DBN1: variants seen among roughly 807,000 people sequenced by gnomAD.
DBN1 encodes the protein drebrin.
DBN1 carries 21 observed loss-of-function variants against 83.5 expected under a neutral mutation model. The ratio of observed to expected loss-of-function variants is 0.25; its 90% confidence interval spans 0.18 to 0.36. The LOEUF is 0.36. Ranked by LOEUF, DBN1 falls within the 10% of genes least tolerant of loss-of-function variation. The probability of loss-of-function intolerance (pLI) is 1.00; values close to 1 mark genes in which losing one functional copy is unlikely to be tolerated. For missense variants in DBN1, 874 were observed against 935.7 expected (o/e 0.93, Z 0.86); for synonymous variants, 381 against 384.9 (o/e 0.99, Z 0.12).
rs72166670 is a variant in DBN1 at position 177,456,673 on chromosome 5, CAAAA to C, written c.*756_*759del. The C allele has an allele frequency of 2.0e-4, 13 of 65,160 alleles. No homozygotes were observed. Among genetic ancestry groups the C allele is most frequent in the South Asian group, 6.6e-4 (1 of 1,520 alleles). The allele number at this position is 65,160 out of a possible 1,614,324, so 4.0% of individuals were successfully genotyped here. On this transcript the variant is annotated 3_prime_UTR_variant, in exon 15 of 15. Transcript: ENST00000393565. ...ACCCGTTACAGAAGTTTGTGCTTTC[CAAAA>C]AAAAAAAAAAAAAAAAAAAAAAAAC... is the stretch of plus-strand genomic sequence containing the variant.
At chr5:177,472,087 C>A (rs1757884780) in intron 1 of DBN1, 1 of 1,591,856 alleles carries the variant, frequency 6.3e-7, no homozygotes, top group Admixed American at 1.8e-5. Context: ...CGCCTGCCTG[C>A]TGAGCCTGTG....
rs758241367 is a variant in DBN1, at chr5:177,458,136, A to G, written c.1836T>C (p.Leu612=). 4 of 1,613,352 alleles carry G rather than the reference A, an allele frequency of 2.5e-6. No individual in the cohort carries two copies. Among genetic ancestry groups the G allele is most frequent in the Non-Finnish European group, 3.4e-6 (4 of 1,179,934 alleles). Residue 612 remains leucine (L), a synonymous_variant, in exon 13 of 15, where the codon CTT becomes CTC. Transcript: ENST00000393565. Reference sequence around the variant, plus strand: ...GCTCCTGCTCTTGCTCCAGCTCCTCAAGGGCTGAGGGCAGAGTTGGGGTCT... The same window carrying G: ...GCTCCTGCTCTTGCTCCAGCTCCTCGAGGGCTGAGGGCAGAGTTGGGGTCT... ...APQTPTLPSA[L]EELEQEQEPE...
chr5:177,472,993 C>T (rs1581741801), intron 1 of DBN1: 1 of 277,446 alleles, frequency 3.6e-6, no homozygotes, highest in African/African-American at 2.3e-5. Flanking sequence ...CTGAGCCGGG[C>T]AGGCTGCGCT....
intron 1 of DBN1, among the ~76,000 whole-genome samples, chr5:177,469,965 G>A (rs544121037): frequency 6.6e-6 from 1 of 152,330 alleles, no homozygotes; most frequent in African/African-American, 2.4e-5. Context: ...AAGAGAAAGA[G>A]GAGGGGAGAA....
chr5:177,473,407 G>A (rs1757992867), intron 1 of DBN1, 29 bp downstream of exon 1: 2 of 1,306,324 alleles, frequency 1.5e-6, no homozygotes, highest in Non-Finnish European at 2.0e-6. Flanking sequence ...CGGGGACAAA[G>A]GGGCCGGGGG....
At position 177,467,649 on chromosome 5, in the gene DBN1, G is replaced by A; in HGVS notation, c.331-22C>T. The A allele has an allele frequency of 1.3e-6, 2 of 1,566,196 alleles. No individual in the cohort carries two copies. The highest frequency in any genetic ancestry group is 1.7e-6 in the Non-Finnish European group (2 of 1,155,446). On this transcript the variant is annotated intron_variant, in intron 4 of 14. Transcript: ENST00000393565. The surrounding 1 kb of genome is among the most constrained non-coding windows in gnomAD (Gnocchi z 9.1). ...CACCCTTCCGCAAGAAGACGGCAGTGCTCAGGCGGCACCATCCTCCCGCCA... is the reference window on the plus strand; with the variant it reads ...CACCCTTCCGCAAGAAGACGGCAGTACTCAGGCGGCACCATCCTCCCGCCA...
At position 177,467,178 on chromosome 5, in the gene DBN1, C is replaced by T. The variant is rs1267808768; in HGVS notation, c.555+77G>A. 1.2e-6 allele frequency: 2 copies of T among 1,607,382 alleles called. No homozygotes were observed. Among genetic ancestry groups the T allele is most frequent in the African/African-American group, 2.7e-5 (2 of 74,786 alleles). On this transcript the variant is annotated intron_variant, in intron 6 of 14. Transcript: ENST00000393565. This position sits in a 1 kb window ranked among gnomAD's most constrained non-coding sequence, Gnocchi z 9.1. The stretch of plus-strand genomic sequence containing the variant: ...GGGGCACGTGGCATGGGCCATGCCA[C>T]TGCAGTGAGGGACTCAGACCTGCCC...
intron 8 of DBN1, 74 bp from the exon 9 acceptor site, chr5:177,460,777 T>G: frequency 6.8e-7 from 1 of 1,465,524 alleles, no homozygotes; most frequent in Non-Finnish European, 9.3e-7. Flanking sequence ...TTACTGTATT[T>G]TATTTATTGA....
intron 1 of DBN1, among the ~76,000 whole-genome samples, chr5:177,470,003 A>G (rs1490129106): frequency 2.0e-5 from 3 of 152,226 alleles, no homozygotes; most frequent in Admixed American, 2.0e-4. Flanking sequence ...GAGAGGAGGA[A>G]GAAGAGAAAG....
Position 177,459,700 on chromosome 5 carries a change from C to A in DBN1, c.996G>T (p.Gly332=), listed in dbSNP as rs372070843. 8.7e-4 allele frequency: 1,384 copies of A among 1,586,208 alleles called. 5 individuals are homozygous for A. Among genetic ancestry groups the A allele is most frequent in the Non-Finnish European group, 1.0e-3 (1,199 of 1,166,902 alleles). The part of the protein sequence containing the change: ...YCPFIKASDS[G]PSSSSSSSSS... ...AGGAGGAAGAGGAGGAGGAGGAAGG[C>A]CCACTGTCCGATGCCTTTATGAAAG... The change falls in exon 11 of 15, where the codon GGG becomes GGT. Residue 332 remains glycine, a synonymous_variant. Coordinates refer to ENST00000393565, the MANE Select transcript of DBN1 (RefSeq NM_001363541.2).
chr5:177,472,943 C>A (rs943246330), intron 1 of DBN1: 1 of 599,340 alleles, frequency 1.7e-6, no homozygotes, highest in African/African-American at 2.0e-5. Context: ...CTCCGCTCCT[C>A]CCCCGCCCTC....
chr5:177,459,158 G>A lies in DBN1; in HGVS notation c.1204C>T (p.Leu402=). ...TPVAEQIERA[L]DEVTSSQPPP... ...GGCTGCGAGGAGGTGACCTCATCCAGGGCCCGCTCTATCTGCTCAGCGACA... is the reference window on the plus strand; with the variant it reads ...GGCTGCGAGGAGGTGACCTCATCCAAGGCCCGCTCTATCTGCTCAGCGACA... Residue 402 remains leucine, a synonymous_variant, in exon 12 of 15, where the codon CTG becomes TTG. Transcript: ENST00000393565. 1 of 1,611,758 alleles carries A rather than the reference G, an allele frequency of 6.2e-7. No individual in the cohort carries two copies. Among genetic ancestry groups the A allele is most frequent in the Non-Finnish European group, 8.5e-7 (1 of 1,179,016 alleles).
chr5:177,463,228 G>A (rs896180798), intron 8 of DBN1, among the ~76,000 whole-genome samples: 7 of 152,134 alleles, frequency 4.6e-5, no homozygotes, highest in African/African-American at 1.2e-4. Flanking sequence ...TAGTAGAGAC[G>A]GGGTTTCACC....
At chr5:177,464,957 A>T (rs1444548445) in intron 8 of DBN1, among the ~76,000 whole-genome samples, 2 of 152,034 alleles carry the variant, frequency 1.3e-5, no homozygotes, top group South Asian at 4.1e-4. Context: ...GATCGAGACC[A>T]CCCTGGCTAA....
intron 8 of DBN1, among the ~76,000 whole-genome samples, chr5:177,464,971 G>A (rs750097720): frequency 3.4e-4 from 51 of 152,054 alleles, no homozygotes; most frequent in Non-Finnish European, 5.7e-4. Flanking sequence ...TGGCTAACAT[G>A]GTGAAACCCC....
intron 2 of DBN1, 46 bp from the exon 3 acceptor site, chr5:177,468,266 T>C: frequency 6.4e-7 from 1 of 1,551,250 alleles, no homozygotes. Flanking sequence ...TCCTAAACCC[T>C]TCCCAAAAAG....
chr5:177,458,162 G>T lies in DBN1; in HGVS notation c.1810C>A (p.Gln604Lys), dbSNP rs1233588840. 6.2e-7 allele frequency: 1 copy of T among 1,612,732 alleles called. No homozygotes were observed. Among genetic ancestry groups the T allele is most frequent in the Admixed American group, 1.7e-5 (1 of 59,994 alleles). The change falls in exon 13 of 15, where the codon CAG becomes AAG. Residue 604 changes from glutamine (Q) to lysine (K), a missense_variant. This residue lies in a region of DBN1 where 725 missense variants were observed against 719.7 expected (regional missense o/e 1.01). Coordinates refer to ENST00000393565, the MANE Select transcript of DBN1 (RefSeq NM_001363541.2). ...EVEGESLAAP[Q>K]TPTLPSALEE... is the part of the protein sequence containing the mutation. ...AGGGCTGAGGGCAGAGTTGGGGTCT[G>T]GGGGGCAGCCAGGGACTCCCCTTCC... is the stretch of plus-strand genomic sequence containing the variant.
chr5:177,460,691 C>T lies in DBN1; in HGVS notation c.784G>A (p.Asp262Asn), dbSNP rs1307379493. 3.7e-6 allele frequency: 6 copies of T among 1,614,176 alleles called. No individual in the cohort carries two copies. Among genetic ancestry groups the T allele is most frequent in the Non-Finnish European group, 5.1e-6 (6 of 1,180,030 alleles). Residue 262 changes from aspartate (D) to asparagine (N), a missense_variant, in exon 9 of 15, where the codon GAT becomes AAT. By Grantham distance (23) the Asp-to-Asn change is conservative. Coordinates refer to ENST00000393565, the MANE Select transcript of DBN1 (RefSeq NM_001363541.2). ...KEQSIFGDHR[D>N]EEEETHMKKS... is the part of the protein sequence containing the mutation. ...TTCATGTGGGTCTCTTCCTCCTCATCCCGATGGTCACCCTAGAAACCAAAG... is the reference window on the plus strand; with the variant it reads ...TTCATGTGGGTCTCTTCCTCCTCATTCCGATGGTCACCCTAGAAACCAAAG...
rs1757484322 is a variant in DBN1 at position 177,466,937 on chromosome 5, C to A, written c.681G>T (p.Glu227Asp). The part of the protein sequence containing the change: ...EQEERERRYR[E>D]REQQIEEHRR... The stretch of plus-strand genomic sequence containing the variant: ...TGTGCTCCTCGATCTGCTGCTCCCG[C>A]TCCCGGTAGCGCCGCTCGCGCTCCT... The change falls in exon 7 of 15, where the codon GAG (glutamate) becomes GAT (aspartate). Residue 227 changes from glutamate to aspartate, a missense_variant. Physicochemically the swap from Glu to Asp is conservative, Grantham distance 45. Transcript: ENST00000393565. The surrounding 1 kb of genome is among the most constrained non-coding windows in gnomAD (Gnocchi z 4.8). 1 of 1,612,738 alleles carries A rather than the reference C, an allele frequency of 6.2e-7. No homozygotes were observed. The highest frequency in any genetic ancestry group is 8.5e-7 in the Non-Finnish European group (1 of 1,179,780).
Sources: gnomAD v4.1 joint callset for allele counts (sites outside exome capture counted in the v4.1 genomes callset) on GRCh38, gnomAD v4.1.1 for gene constraint, gnomAD v4.1.1 regional missense constraint, Gnocchi (gnomAD v3.1) non-coding constraint, MANE v1.5 for transcripts, NCBI Gene and HGNC (gene_info 2026-07-23, HGNC 2026-07-21) for gene names.